BEST1: variants seen among roughly 807,000 people sequenced by gnomAD.
BEST1 encodes bestrophin 1, also known as bestrophin-1.
BEST1 carries 58 observed loss-of-function variants against 63.3 expected under a neutral mutation model. That is an observed-to-expected ratio of 0.92 (90% confidence interval 0.74 to 1.14). The LOEUF (loss-of-function observed/expected upper bound fraction) is 1.14, where lower values mean the gene tolerates loss of function less well. Ranked by LOEUF, BEST1 falls within the 50% of genes most tolerant of loss-of-function variation. BEST1 has a pLI of 0.00. For missense variants in BEST1, 671 were observed against 740.1 expected, an observed-to-expected ratio of 0.91 and a Z score of 1.08; for synonymous variants, 283 against 291.6, an observed-to-expected ratio of 0.97 and a Z score of 0.30.
intron 9 of BEST1, chr11:61,961,986 T>C (rs976022580): frequency 9.6e-6 from 5 of 521,298 alleles, no homozygotes; most frequent in African/African-American, 1.9e-5. Flanking sequence ...TGAGGAGGCC[T>C]TTACACGCCA....
At chr11:61,963,085 G>A (rs1170460847) in intron 10 of BEST1, 192 bp downstream of exon 10, 4 of 1,473,256 alleles carry the variant, frequency 2.7e-6, no homozygotes, top group Non-Finnish European at 3.6e-6. Flanking sequence ...AAGTGTTCGG[G>A]ACCTTTTCTC....
At chr11:61,953,845 C>T (rs752854066) in intron 2 of BEST1, among the ~76,000 whole-genome samples, 1 of 152,106 alleles carries the variant, frequency 6.6e-6, no homozygotes, top group Non-Finnish European at 1.5e-5. Context: ...ATGACTGTGC[C>T]ACTGCCCTTG....
chr11:61,960,372 T>C (rs556927333), intron 9 of BEST1: 185 of 417,892 alleles, frequency 4.4e-4, no homozygotes, highest in East Asian at 1.9e-3. Flanking sequence ...TCCAGAACTA[T>C]GTTTTCTTTT....
At chr11:61,955,684 C>T in intron 3 of BEST1, 34 bp from the exon 4 acceptor site, 4 of 1,527,224 alleles carry the variant, frequency 2.6e-6, no homozygotes, top group Non-Finnish European at 8.9e-7. Context: ...GCAGCCTGGC[C>T]CCTCGCCCCT....
intron 2 of BEST1, among the ~76,000 whole-genome samples, chr11:61,953,879 C>T (rs992481300): frequency 7.1e-6 from 1 of 141,374 alleles, no homozygotes; most frequent in East Asian, 2.4e-4. Flanking sequence ...GAGCAAGACC[C>T]TATCTCAAAA....
intron 10 of BEST1, chr11:61,963,725 G>A: frequency 8.7e-7 from 1 of 1,150,108 alleles, no homozygotes; most frequent in Non-Finnish European, 1.1e-6. Context: ...GGCCTGTTCA[G>A]CAAAGGATGT....
At chr11:61,963,959 A>G in intron 10 of BEST1, 145 bp from the exon 11 acceptor site, 6 of 1,496,634 alleles carry the variant, frequency 4.0e-6, no homozygotes, top group Middle Eastern at 2.4e-4. Context: ...AGCAACTGCA[A>G]TCCAGCCTGG....
In BEST1 at chr11:61,959,434, A is replaced by C; in HGVS notation, c.868-64A>C. The C allele has an allele frequency of 2.0e-6, 3 of 1,521,532 alleles. No homozygotes were observed. The Admixed American group carries it at 5.1e-5, about 26-fold the overall frequency. The allele number at this position is 1,521,532 out of a possible 1,614,324, so 94.3% of individuals were successfully genotyped here. On this transcript the variant is annotated intron_variant, in intron 7 of 10. Transcript: ENST00000378043. ...GTGGAAATAGCAGCAGCTGAGGTTT[A>C]AAGGGGGAAGCTGGCTTTGAGGAGT...
chr11:61,960,861 A>G, intron 9 of BEST1: 1 of 152,838 alleles, frequency 6.5e-6, no homozygotes, highest in Non-Finnish European at 1.5e-5. Flanking sequence ...TTCCATCTGA[A>G]TCCCTCTTGA....
intron 2 of BEST1, 177 bp from the exon 3 acceptor site, chr11:61,954,930 G>A (rs1247382835): frequency 2.0e-6 from 2 of 985,382 alleles, no homozygotes; most frequent in East Asian, 1.1e-4. Context: ...CGGGTTTGGG[G>A]CTGTACAAGG....
In BEST1 at chr11:61,955,163, A is replaced by G. The variant is rs749295558; in HGVS notation, c.209A>G (p.Asp70Gly). Residue 70 changes from aspartate to glycine, a missense_variant, in exon 3 of 11, where the codon GAC becomes GGC. Asp to Gly is a moderately conservative substitution (Grantham distance 94, BLOSUM62 -1). Transcript: ENST00000378043. ...TTTGAGAAACTGACTCTGTATTGCG[A>G]CAGCTACATCCAGCTCATCCCCATT... is the stretch of plus-strand genomic sequence containing the variant. ...LMFEKLTLYC[D>G]SYIQLIPISF... The G allele has an allele frequency of 4.3e-6, 7 of 1,614,174 alleles. No homozygotes were observed. Among genetic ancestry groups the G allele is most frequent in the Non-Finnish European group, 5.9e-6 (7 of 1,180,026 alleles).
Position 61,956,951 on chromosome 11 carries a change from C to T in BEST1, c.589C>T (p.Leu197Phe). The stretch of plus-strand genomic sequence containing the variant: ...TGCCAACCTGTCAATGAAGGCGTGG[C>T]TTGGAGGTCGAATCCGGGACCCTAT... ...WFANLSMKAWLGGRIRDPILL... is the reference protein window; with the variant it reads ...WFANLSMKAWFGGRIRDPILL... Residue 197 changes from leucine (L) to phenylalanine (F), a missense_variant, in exon 5 of 11, where the codon CTT becomes TTT. Leu to Phe is a conservative substitution (Grantham distance 22, BLOSUM62 0). Coordinates refer to ENST00000378043, the MANE Select transcript of BEST1 (RefSeq NM_004183.4). 6.2e-7 allele frequency: 1 copy of T among 1,614,148 alleles called. No individual in the cohort carries two copies. Among genetic ancestry groups the T allele is most frequent in the Non-Finnish European group, 8.5e-7 (1 of 1,180,018 alleles).
chr11:61,951,551 T>G (rs1276292357), intron 1 of BEST1, among the ~76,000 whole-genome samples: 1 of 152,220 alleles, frequency 6.6e-6, no homozygotes, highest in Non-Finnish European at 1.5e-5. Flanking sequence ...CACGCCTATC[T>G]ACGTCTTCCC....
rs1942379726 is a variant in BEST1, at chr11:61,964,361, T to C, written c.*239T>C. 3.7e-6 allele frequency: 3 copies of C among 811,194 alleles called. No individual in the cohort carries two copies. Among genetic ancestry groups the C allele is most frequent in the Non-Finnish European group, 5.7e-6 (3 of 529,954 alleles). The allele number at this position is 811,194 out of a possible 1,614,324, so 50.2% of individuals were successfully genotyped here. ...CATTGGAAACATTTAACTCAGACTC[T>C]GGATTCAGAGTCGGGAACCCTTAGT... On this transcript the variant is annotated 3_prime_UTR_variant, in exon 11 of 11. Coordinates refer to ENST00000378043, the MANE Select transcript of BEST1 (RefSeq NM_004183.4).
chr11:61,962,532 C>T lies in BEST1; in HGVS notation c.1378C>T (p.Gln460Ter), dbSNP rs748921533. 2 of 1,614,182 alleles carry T rather than the reference C, an allele frequency of 1.2e-6. No individual in the cohort carries two copies. Among genetic ancestry groups the T allele is most frequent in the Non-Finnish European group, 1.7e-6 (2 of 1,180,030 alleles). Residue 460 changes from glutamine (Q) to a stop codon, truncating the protein, a stop_gained, in exon 10 of 11, where the codon CAG becomes TAG. Coordinates refer to ENST00000378043, the MANE Select transcript of BEST1 (RefSeq NM_004183.4). LOFTEE classifies it high-confidence loss of function. ...VDAFKSAPLY[Q>*]RPGYYSAPQT... ...CGCCTTCAAGTCTGCCCCACTGTAT[C>T]AGAGGCCAGGCTACTACAGTGCCCC...
chr11:61,956,970 A>T lies in BEST1; in HGVS notation c.608A>T (p.Asp203Val). The change falls in exon 5 of 11, where the codon GAC becomes GTC. Residue 203 changes from aspartate to valine, a missense_variant. By Grantham distance (152) the Asp-to-Val change is radical. Transcript: ENST00000378043. ...GCGTGGCTTGGAGGTCGAATCCGGG[A>T]CCCTATCCTGCTCCAGAGCCTGCTG... The part of the protein sequence containing the change: ...MKAWLGGRIR[D>V]PILLQSLLNE... The T allele has an allele frequency of 6.2e-7, 1 of 1,614,042 alleles. No individual in the cohort carries two copies. The highest frequency in any genetic ancestry group is 8.5e-7 in the Non-Finnish European group (1 of 1,180,006).
chr11:61,962,725 T>C lies in BEST1; in HGVS notation c.1571T>C (p.Met524Thr), dbSNP rs145209035. The change falls in exon 10 of 11, where the codon ATG (methionine) becomes ACG (threonine). Residue 524 changes from methionine (M) to threonine (T), a missense_variant. By Grantham distance (81) the Met-to-Thr change is moderately conservative. Transcript: ENST00000378043. ...CTCTCAGAGAGCGATGGGGCCTTGA[T>C]GGAGCACCCAGAAGTATCTCAAGTG... ...ELLSESDGAL[M>T]EHPEVSQVRR... The C allele has an allele frequency of 1.3e-4, 215 of 1,614,228 alleles. 1 individual carries two copies. The African/African-American group carries it at 2.5e-3, about 19-fold the overall frequency.
At chr11:61,961,926 CAG>C in intron 9 of BEST1, 1 of 382,236 alleles carries the variant, frequency 2.6e-6, no homozygotes, top group South Asian at 2.7e-5. Context: ...GCCAGGGCAC[CAG>C]TGTTTCTGAC....
chr11:61,960,676 G>A (rs1162131020), intron 9 of BEST1: 1 of 154,894 alleles, frequency 6.5e-6, no homozygotes, highest in Non-Finnish European at 1.4e-5. Context: ...GATAAGCTAC[G>A]ATGCTTGGAT....
Sources: allele counts gnomAD v4.1 joint callset (sites outside exome capture counted in the v4.1 genomes callset), GRCh38; gene constraint gnomAD v4.1.1; transcripts MANE v1.5; gene names NCBI Gene and HGNC (gene_info 2026-07-23, HGNC 2026-07-21).